CACNA1S: variants seen among roughly 807,000 people sequenced by gnomAD.
CACNA1S encodes the protein voltage-dependent L-type calcium channel subunit alpha-1S.
In CACNA1S, 126 loss-of-function variants were observed where a neutral mutation model predicts 207.4. That is an observed-to-expected ratio of 0.61 (90% CI 0.53 to 0.70). CACNA1S has a LOEUF of 0.70. Ranked by LOEUF, CACNA1S falls within the 30% of genes least tolerant of loss-of-function variation. CACNA1S has a pLI of 0.00. For synonymous variants in CACNA1S, 960 were observed against 932.7 expected, an observed-to-expected ratio of 1.03 and a Z score of -0.53; for missense variants, 2,349 against 2,422.8, an observed-to-expected ratio of 0.97 and a Z score of 0.64.
intron 3 of CACNA1S, 40 bp from the exon 4 acceptor site, chr1:201,092,154 G>C (rs1662258390): frequency 6.2e-7 from 1 of 1,613,612 alleles, no homozygotes. Context: ...CCAGGGGTTG[G>C]AAAAGCCACT....
intron 40 of CACNA1S, chr1:201,041,813 G>A: frequency 6.5e-6 from 4 of 615,248 alleles, no homozygotes; most frequent in Middle Eastern, 4.3e-4. Flanking sequence ...CCTTTGCTCA[G>A]TTGCTCCCTC....
intron 2 of CACNA1S, among the ~76,000 whole-genome samples, chr1:201,103,184 T>C (rs112460223): frequency 0.041 from 6,080 of 149,552 alleles, 205 homozygotes; most frequent in Non-Finnish European, 0.062. Flanking sequence ...AAGTGGAGGT[T>C]GTAGTGAGGT....
chr1:201,044,094 G>A (rs192571709), intron 39 of CACNA1S, among the ~76,000 whole-genome samples: 12 of 152,272 alleles, frequency 7.9e-5, no homozygotes, highest in Admixed American at 3.3e-4. Flanking sequence ...AAGGGAAGGG[G>A]TGAGATTTGG....
intron 2 of CACNA1S, among the ~76,000 whole-genome samples, chr1:201,106,079 C>G (rs1033997146): frequency 5.3e-5 from 8 of 152,154 alleles, no homozygotes; most frequent in Non-Finnish European, 1.2e-4. Context: ...CTCCCTACCC[C>G]CATCTGCAGT....
chr1:201,040,350 G>T lies in CACNA1S; in HGVS notation c.5251C>A (p.Pro1751Thr), dbSNP rs1255545977. The change falls in exon 43 of 44, where the codon CCT becomes ACT. Residue 1751 changes from proline (P) to threonine (T), a missense_variant. Coordinates refer to ENST00000362061, the MANE Select transcript of CACNA1S (RefSeq NM_000069.3). ...CQCPRVESSM[P>T]EDRKSSTPGS... ...GGTGTGGAGCTCTTTCTGTCCTCAGGCATGGAGGACTCCACCCTGGGGCAC... is the reference window on the plus strand; with the variant it reads ...GGTGTGGAGCTCTTTCTGTCCTCAGTCATGGAGGACTCCACCCTGGGGCAC... 2 of 1,613,624 alleles carry T rather than the reference G, an allele frequency of 1.2e-6. No homozygotes were observed. The highest frequency in any genetic ancestry group is 8.5e-7 in the Non-Finnish European group (1 of 1,179,936).
At chr1:201,098,647 G>A (rs1046905402) in intron 2 of CACNA1S, among the ~76,000 whole-genome samples, 2 of 152,172 alleles carry the variant, frequency 1.3e-5, no homozygotes, top group African/African-American at 4.8e-5. Flanking sequence ...CACAATTTCT[G>A]CTCACCTTCG....
chr1:201,059,978 G>T (rs752495131), intron 26 of CACNA1S, among the ~76,000 whole-genome samples: 1 of 152,196 alleles, frequency 6.6e-6, no homozygotes, highest in African/African-American at 2.4e-5. Flanking sequence ...ACCCTGCCCT[G>T]CCTTGGCAGG....
intron 2 of CACNA1S, among the ~76,000 whole-genome samples, chr1:201,101,118 G>A (rs1006216983): frequency 3.9e-5 from 6 of 152,106 alleles, no homozygotes; most frequent in African/African-American, 1.2e-4. Context: ...GTGTAAGATG[G>A]AAATTTCTCC....
rs528867784 is a variant in CACNA1S, at chr1:201,106,031, A to G, written c.258+4133T>C. ...CCCATCAGTGGACACAGGCACCTGT[A>G]TCACCACACATCTGAAGTTGAACTC... On this transcript the variant is annotated intron_variant, in intron 2 of 43. Coordinates refer to ENST00000362061, the MANE Select transcript of CACNA1S (RefSeq NM_000069.3). 5.3e-5 allele frequency among the ~76,000 whole-genome samples: 8 copies of G among 152,272 alleles called. No individual in the cohort carries two copies. In the South Asian group the frequency reaches 1.4e-3, roughly 28 times the overall value.
chr1:201,041,678 T>C (rs2102542194), intron 40 of CACNA1S, 89 bp from the exon 41 acceptor site: 3 of 1,011,118 alleles, frequency 3.0e-6, no homozygotes, highest in South Asian at 1.3e-5. Flanking sequence ...TCCTTTTCCC[T>C]CAGAGCCTGT....
At chr1:201,056,466 C>T (rs1021191635) in intron 28 of CACNA1S, among the ~76,000 whole-genome samples, 10 of 152,246 alleles carry the variant, frequency 6.6e-5, no homozygotes, top group African/African-American at 2.4e-4. Flanking sequence ...GAGCAGTGGG[C>T]AGTTCAGAAG....
In CACNA1S at chr1:201,078,108, T is replaced by C. The variant is rs1347399792; in HGVS notation, c.1394-4A>G. 9.9e-6 allele frequency: 16 copies of C among 1,611,122 alleles called. No homozygotes were observed. The highest frequency in any genetic ancestry group is 1.4e-5 in the Non-Finnish European group (16 of 1,177,212). On this transcript the variant is annotated splice_region_variant and splice_polypyrimidine_tract_variant and intron_variant, in intron 10 of 43. Transcript: ENST00000362061. ...AGCAGCACCCGGTTGGCAATGTCTG[T>C]AGGGTTGGTGGCACAGCCCCGGCAT... is the stretch of plus-strand genomic sequence containing the variant.
rs1332276165 is a variant in CACNA1S, at chr1:201,055,747, A to G, written c.3610-1186T>C. Among the ~76,000 whole-genome samples the G allele has an allele frequency of 2.6e-5, 4 of 152,170 alleles. No homozygotes were observed. In the East Asian group the frequency reaches 7.7e-4, roughly 29 times the overall value. The stretch of plus-strand genomic sequence containing the variant: ...GTTTGTACATCAGGTATGTAAATCA[A>G]TCTTCACGTGACTTTAAGCAAACAC... On this transcript the variant is annotated intron_variant, in intron 28 of 43. Transcript: ENST00000362061.
chr1:201,053,087 C>T lies in CACNA1S; in HGVS notation c.3861+122G>A, dbSNP rs528187849. 1.1e-4 allele frequency: 130 copies of T among 1,141,578 alleles called. No homozygotes were observed. Among genetic ancestry groups the T allele is most frequent in the South Asian group, 9.0e-4 (73 of 81,436 alleles). 70.7% of individuals were successfully genotyped at this position (1,141,578 alleles called of 1,614,324 possible). On this transcript the variant is annotated intron_variant, in intron 31 of 43. Coordinates refer to ENST00000362061, the MANE Select transcript of CACNA1S (RefSeq NM_000069.3). This position sits in a 1 kb window ranked among gnomAD's most constrained non-coding sequence, Gnocchi z 5.1. ...GGAGGTTGTCCCTCCTTCTTTCTCA[C>T]GAGCAAGGCAGGGAGGGCGGAGGGT... is the stretch of plus-strand genomic sequence containing the variant.
chr1:201,041,704 T>A (rs935780062), intron 40 of CACNA1S, 115 bp from the exon 41 acceptor site: 84 of 780,312 alleles, frequency 1.1e-4, no homozygotes, highest in Non-Finnish European at 1.8e-4. Flanking sequence ...GCCAACCTAG[T>A]GTAGCAGCCG....
intron 7 of CACNA1S, 103 bp from the exon 8 acceptor site, chr1:201,085,684 G>C: frequency 7.1e-7 from 1 of 1,406,456 alleles, no homozygotes; most frequent in Non-Finnish European, 9.8e-7. Context: ...TGACTGGAGC[G>C]CTCCTTTTTC....
chr1:201,047,270 A>G, intron 37 of CACNA1S, 31 bp from the exon 38 acceptor site: 1 of 1,614,104 alleles, frequency 6.2e-7, no homozygotes, highest in Non-Finnish European at 8.5e-7. Context: ...GATGCCCTGA[A>G]GGCTAGTGGG....
chr1:201,046,774 C>A (rs181418823), intron 38 of CACNA1S, among the ~76,000 whole-genome samples: 1 of 151,988 alleles, frequency 6.6e-6, no homozygotes, highest in Non-Finnish European at 1.5e-5. Flanking sequence ...CCTCAAGTAA[C>A]CTGCCAACCT....
chr1:201,041,675 C>T, intron 40 of CACNA1S, 86 bp from the exon 41 acceptor site: 1 of 1,025,026 alleles, frequency 9.8e-7, no homozygotes, highest in South Asian at 1.3e-5. Context: ...ACATCCTTTT[C>T]CCTCAGAGCC....
Sources: gnomAD v4.1 joint callset for allele counts (sites outside exome capture counted in the v4.1 genomes callset) on GRCh38, gnomAD v4.1.1 for gene constraint, Gnocchi (gnomAD v3.1) non-coding constraint, MANE v1.5 for transcripts, NCBI Gene and HGNC (gene_info 2026-07-23, HGNC 2026-07-21) for gene names.